The following KMT2C variants were observed in gnomAD, a reference collection of about 807,000 sequenced individuals.
KMT2C encodes the protein lysine methyltransferase 2C, also known as histone-lysine N-methyltransferase 2C.
In KMT2C, 88 loss-of-function variants were observed where a neutral mutation model predicts 507.9. That is an observed-to-expected ratio of 0.17 (90% confidence interval 0.15 to 0.21). KMT2C has a LOEUF of 0.21. Ranked by LOEUF, KMT2C falls within the 10% of genes least tolerant of loss-of-function variation. The pLI, the probability that KMT2C is intolerant of heterozygous loss-of-function variation, is 1.00. For missense variants in KMT2C, 4,954 were observed against 5,957.8 expected, an observed-to-expected ratio of 0.83 and a Z score of 5.55; for synonymous variants, 2,049 against 2,080.8, an observed-to-expected ratio of 0.98 and a Z score of 0.42.
chr7:152,409,803 GTTT>G (rs368883552), intron 1 of KMT2C, among the ~76,000 whole-genome samples: 1 of 150,384 alleles, frequency 6.6e-6, no homozygotes, highest in Non-Finnish European at 1.5e-5. Context: ...TATTTCTTGG[GTTT>G]TTTTTTAAAT....
At chr7:152,329,661 T>C (rs1426529939) in intron 3 of KMT2C, among the ~76,000 whole-genome samples, 2 of 93,560 alleles carry the variant, frequency 2.1e-5, no homozygotes, top group Non-Finnish European at 4.1e-5. Flanking sequence ...GGAGAAGGGA[T>C]GGAGGGGAAG....
Position 152,201,293 on chromosome 7 carries a change from G to GACACACAC in KMT2C, c.4092+1633_4092+1640dup, listed in dbSNP as rs3839689. Among the ~76,000 whole-genome samples the GACACACAC allele has an allele frequency of 4.0e-3, 555 of 137,044 alleles. 5 individuals are homozygous for GACACACAC. The highest frequency in any genetic ancestry group is 0.011 in the Admixed American group (143 of 13,574). The allele number at this position is 137,044 out of a possible 152,430, so 89.9% of individuals were successfully genotyped here. ...CCCTCATGTCACACATACAGACACAGACACACACACACACACACACACACA... is the reference window on the plus strand; with the variant it reads ...CCCTCATGTCACACATACAGACACAGACACACACACACACACACACACACACACACACA... On this transcript the variant is annotated intron_variant, in intron 26 of 58. Transcript: ENST00000262189.
chr7:152,189,243 A>G (rs779805403), intron 31 of KMT2C, among the ~76,000 whole-genome samples: 1 of 152,228 alleles, frequency 6.6e-6, no homozygotes, highest in Non-Finnish European at 1.5e-5. Context: ...AACTGTCCAT[A>G]TTGGAGCAGT....
At chr7:152,304,217 T>C (rs1015884952) in intron 6 of KMT2C, among the ~76,000 whole-genome samples, 1 of 152,204 alleles carries the variant, frequency 6.6e-6, no homozygotes, top group African/African-American at 2.4e-5. Flanking sequence ...ATGGCTCTCA[T>C]AGGTTTAAAA....
At chr7:152,233,596 T>C (rs914681366) in intron 16 of KMT2C, among the ~76,000 whole-genome samples, 3 of 152,148 alleles carry the variant, frequency 2.0e-5, no homozygotes, top group African/African-American at 4.8e-5. Context: ...GTCAATAAGA[T>C]TGATAAATCT....
At chr7:152,234,653 C>T (rs1015016236) in intron 16 of KMT2C, among the ~76,000 whole-genome samples, 3 of 152,072 alleles carry the variant, frequency 2.0e-5, no homozygotes, top group African/African-American at 7.2e-5. Flanking sequence ...GTAATCCCAG[C>T]ACTTTGGGAA....
At chr7:152,353,438 T>A (rs1372820029) in intron 2 of KMT2C, among the ~76,000 whole-genome samples, 1 of 152,168 alleles carries the variant, frequency 6.6e-6, no homozygotes, top group Admixed American at 6.5e-5. Context: ...ACTTTCCCAA[T>A]GGCTACTCCT....
intron 6 of KMT2C, among the ~76,000 whole-genome samples, chr7:152,276,684 T>C (rs2129179355): frequency 6.6e-6 from 1 of 152,024 alleles, no homozygotes; most frequent in Non-Finnish European, 1.5e-5. Flanking sequence ...GCCCAGGAGG[T>C]TGAGGCTGCA....
intron 6 of KMT2C, among the ~76,000 whole-genome samples, chr7:152,290,426 C>T (rs1350899156): frequency 1.4e-5 from 2 of 146,466 alleles, no homozygotes; most frequent in Non-Finnish European, 3.0e-5. Context: ...TTCTCTGTCT[C>T]GGCCTCCCCC....
intron 41 of KMT2C, 96 bp from the exon 42 acceptor site, chr7:152,167,474 G>C (rs2092780288): frequency 1.3e-6 from 1 of 750,744 alleles, no homozygotes; most frequent in Non-Finnish European, 2.2e-6. Context: ...GTTTCACCAT[G>C]ACCACATAAT....
chr7:152,397,702 G>A (rs2097545589), intron 1 of KMT2C, among the ~76,000 whole-genome samples: 1 of 152,056 alleles, frequency 6.6e-6, no homozygotes, highest in African/African-American at 2.4e-5. Flanking sequence ...GGAAAGAATT[G>A]AATCATAGGG....
At chr7:152,333,016 T>G (rs2096898705) in intron 2 of KMT2C, among the ~76,000 whole-genome samples, 1 of 152,204 alleles carries the variant, frequency 6.6e-6, no homozygotes, top group Non-Finnish European at 1.5e-5. Flanking sequence ...TCCTCCTTAG[T>G]GAAATGATCT....
intron 9 of KMT2C, among the ~76,000 whole-genome samples, chr7:152,255,152 T>TATAC (rs2095638771): frequency 1.0e-4 from 14 of 135,098 alleles, no homozygotes; most frequent in Admixed American, 1.5e-4. Flanking sequence ...TATACATATA[T>TATAC]ATATATGTGT....
chr7:152,237,786 C>A (rs2095307950), intron 15 of KMT2C, among the ~76,000 whole-genome samples: 1 of 152,172 alleles, frequency 6.6e-6, no homozygotes, highest in Non-Finnish European at 1.5e-5. Flanking sequence ...AGGCATGAGC[C>A]ACTGCGCCCG....
intron 4 of KMT2C, among the ~76,000 whole-genome samples, chr7:152,313,850 G>A (rs762367696): frequency 2.0e-5 from 3 of 152,002 alleles, no homozygotes; most frequent in Admixed American, 6.6e-5. Context: ...GAGCTCATAA[G>A]AATTTTCACT....
At chr7:152,432,268 C>T in intron 1 of KMT2C, among the ~76,000 whole-genome samples, 1 of 152,164 alleles carries the variant, frequency 6.6e-6, no homozygotes, top group Non-Finnish European at 1.5e-5. Context: ...TGGTAAGAAA[C>T]ATAGTAGAGT....
intron 1 of KMT2C, among the ~76,000 whole-genome samples, chr7:152,394,353 ACTTCT>A (rs2097523944): frequency 6.6e-6 from 1 of 152,424 alleles, no homozygotes; most frequent in South Asian, 2.1e-4. Flanking sequence ...TCCCCACGCT[ACTTCT>A]CTTATGATGT....
intron 2 of KMT2C, among the ~76,000 whole-genome samples, chr7:152,346,622 T>G (rs1010300516): frequency 1.3e-5 from 2 of 152,160 alleles, no homozygotes; most frequent in Admixed American, 1.3e-4. Context: ...CAGTTGACCC[T>G]TGAACAATGA....
At chr7:152,337,690 G>C (rs953424789) in intron 2 of KMT2C, among the ~76,000 whole-genome samples, 2 of 151,688 alleles carry the variant, frequency 1.3e-5, no homozygotes, top group African/African-American at 4.8e-5. Context: ...ATACCACCTA[G>C]TATAAAACTG....
Sources: gnomAD v4.1 joint callset for allele counts (sites outside exome capture counted in the v4.1 genomes callset) on GRCh38, gnomAD v4.1.1 for gene constraint, MANE v1.5 for transcripts, NCBI Gene and HGNC (gene_info 2026-07-23, HGNC 2026-07-21) for gene names.